The following MBNL2 variants were observed in gnomAD, a reference collection of about 807,000 sequenced individuals.
MBNL2 encodes the protein muscleblind like splicing regulator 2, also known as muscleblind-like protein 2.
In MBNL2, 17 loss-of-function variants were observed where a neutral mutation model predicts 41.9. The observed-to-expected ratio is 0.41, with a 90% CI of 0.28 to 0.61. The LOEUF (loss-of-function observed/expected upper bound fraction) is 0.61. MBNL2 is among the 20% of genes least tolerant of loss of function. The probability of loss-of-function intolerance (pLI) is 0.35; values close to 1 mark genes in which losing one functional copy is unlikely to be tolerated. For synonymous variants in MBNL2, 195 were observed against 182.9 expected (o/e 1.07, Z -0.53); for missense variants, 336 against 505.6 (o/e 0.66, Z 3.22).
chr13:97,225,354 A>G (rs1437507406), intron 1 of MBNL2, among the ~76,000 whole-genome samples: 1 of 152,194 alleles, frequency 6.6e-6, no homozygotes, highest in African/African-American at 2.4e-5. Context: ...GATGAAAAGG[A>G]AGGTATACTG....
At chr13:97,153,977 G>A in the MBNL2 span, among the ~76,000 whole-genome samples, 1 of 152,142 alleles carries the variant, frequency 6.6e-6, no homozygotes, top group Non-Finnish European at 1.5e-5. Context: ...GTGCTATCCA[G>A]TAAATGTTAA....
intron 8 of MBNL2, among the ~76,000 whole-genome samples, chr13:97,389,958 A>T (rs1267537610): frequency 6.6e-6 from 1 of 152,138 alleles, no homozygotes; most frequent in African/African-American, 2.4e-5. Context: ...CAAAGATAAT[A>T]GTATTCAAAT....
intron 2 of MBNL2, among the ~76,000 whole-genome samples, chr13:97,322,169 G>A (rs1161980670): frequency 6.6e-6 from 1 of 152,152 alleles, no homozygotes; most frequent in African/African-American, 2.4e-5. Context: ...AGGAGGTGCA[G>A]GATAAAGCCC....
chr13:97,216,353 C>G, the MBNL2 span, among the ~76,000 whole-genome samples: 1 of 152,150 alleles, frequency 6.6e-6, no homozygotes, highest in African/African-American at 2.4e-5. Context: ...AATGCAAGGT[C>G]TGTACCCTCA....
intron 2 of MBNL2, among the ~76,000 whole-genome samples, chr13:97,291,278 G>C (rs924245900): frequency 6.6e-6 from 1 of 152,060 alleles, no homozygotes; most frequent in Non-Finnish European, 1.5e-5. Context: ...GTCTCACTCT[G>C]TTGCCCAGGC....
the MBNL2 span, among the ~76,000 whole-genome samples, chr13:97,162,247 T>G: frequency 6.6e-6 from 1 of 152,134 alleles, no homozygotes; most frequent in Admixed American, 6.5e-5. Context: ...CAATTTGACA[T>G]GAGATTTTGG....
At chr13:97,244,622 T>G (rs542330042) in intron 1 of MBNL2, among the ~76,000 whole-genome samples, 1 of 152,376 alleles carries the variant, frequency 6.6e-6, no homozygotes, top group South Asian at 2.1e-4. Context: ...TCATTGACTT[T>G]GTAATCTCAT....
the MBNL2 span, among the ~76,000 whole-genome samples, chr13:97,214,076 C>T: frequency 5.3e-5 from 8 of 152,154 alleles, no homozygotes; most frequent in African/African-American, 1.9e-4. Context: ...GAACAAGTTA[C>T]GTTATTCTCA....
At chr13:97,343,335 A>C in intron 4 of MBNL2, 119 bp downstream of exon 4, 1 of 738,530 alleles carries the variant, frequency 1.4e-6, no homozygotes, top group Non-Finnish European at 2.2e-6. Context: ...ACACACACAC[A>C]CAAACTCACC....
At chr13:97,220,649 G>T (rs1478085879), upstream of MBNL2, among the ~76,000 whole-genome samples, 1 of 152,116 alleles carries the variant, frequency 6.6e-6, no homozygotes, top group Non-Finnish European at 1.5e-5. Context: ...GGAGCTTGAA[G>T]ATGAGGAGGC....
chr13:97,351,439 C>T (rs2062443824), intron 5 of MBNL2, among the ~76,000 whole-genome samples: 1 of 152,202 alleles, frequency 6.6e-6, no homozygotes, highest in Non-Finnish European at 1.5e-5. Flanking sequence ...AGCTAGTCCT[C>T]CTCTGTAGCT....
chr13:97,308,640 G>A (rs1050017107), intron 2 of MBNL2, among the ~76,000 whole-genome samples: 5 of 152,156 alleles, frequency 3.3e-5, no homozygotes, highest in East Asian at 1.9e-4. Context: ...TGTGTGGCCT[G>A]CCCACTATTA....
chr13:97,187,305 A>G, the MBNL2 span, among the ~76,000 whole-genome samples: 1 of 152,166 alleles, frequency 6.6e-6, no homozygotes, highest in African/African-American at 2.4e-5. Context: ...AATAAATACC[A>G]TCTTAAATCC....
chr13:97,391,211 A>G (rs2066378977), intron 8 of MBNL2, 111 bp from the exon 9 acceptor site: 5 of 635,722 alleles, frequency 7.9e-6, no homozygotes, highest in Non-Finnish European at 1.4e-5. Context: ...ATAATGAGAG[A>G]TTGAAGAAAA....
chr13:97,218,430 C>CAAAAAAAAAAAAAAAAAAAAAAA (rs746110575), upstream of MBNL2, among the ~76,000 whole-genome samples: 9 of 69,042 alleles, frequency 1.3e-4, no homozygotes, highest in Non-Finnish European at 2.1e-4. Context: ...AAAAACAAAA[C>CAAAAAAAAAAAAAAAAAAAAAAA]AAAACAAAAC....
At chr13:97,248,102 G>T (rs565085961) in intron 1 of MBNL2, among the ~76,000 whole-genome samples, 3 of 151,888 alleles carry the variant, frequency 2.0e-5, no homozygotes, top group Non-Finnish European at 4.4e-5. Context: ...TTATATATAC[G>T]TATGTGTGTG....
chr13:97,288,505 C>A (rs1365987634), intron 2 of MBNL2, among the ~76,000 whole-genome samples: 1 of 152,182 alleles, frequency 6.6e-6, no homozygotes, highest in Non-Finnish European at 1.5e-5. Context: ...TGCACATAAT[C>A]AAGTCCCCAA....
At chr13:97,345,108 G>T (rs572059107) in intron 4 of MBNL2, among the ~76,000 whole-genome samples, 14 of 152,160 alleles carry the variant, frequency 9.2e-5, no homozygotes, top group Non-Finnish European at 2.1e-4. Context: ...TAACAATCTG[G>T]TGATTTATGC....
chr13:97,205,245 T>C, the MBNL2 span, among the ~76,000 whole-genome samples: 14 of 147,484 alleles, frequency 9.5e-5, no homozygotes, highest in East Asian at 2.6e-3. Flanking sequence ...TATAAATTAG[T>C]ACCTGCTTGG....
Sources: allele counts gnomAD v4.1 joint callset (sites outside exome capture counted in the v4.1 genomes callset), GRCh38; gene constraint gnomAD v4.1.1; transcripts MANE v1.5; gene names NCBI Gene and HGNC (gene_info 2026-07-23, HGNC 2026-07-21).